Variants in TRPM3 observed in about 807,000 individuals in gnomAD.
The protein encoded by TRPM3 is transient receptor potential cation channel subfamily M member 3.
A neutral mutation model predicts 181.2 loss-of-function variants in TRPM3; 77 were observed. The observed-to-expected ratio is 0.42, with a 90% CI of 0.35 to 0.51. TRPM3 has a LOEUF of 0.51. Ranked by LOEUF, TRPM3 falls within the 20% of genes least tolerant of loss-of-function variation. The pLI is 0.01. For missense variants in TRPM3, 1,759 were observed against 2,196.7 expected (o/e 0.80, Z 3.98); for synonymous variants, 745 against 796.4 (o/e 0.94, Z 1.09).
chr9:70,545,950 G>T (rs922511776), intron 25 of TRPM3, among the ~76,000 whole-genome samples: 1 of 152,192 alleles, frequency 6.6e-6, no homozygotes, highest in Non-Finnish European at 1.5e-5. Flanking sequence ...AAGGTTGGGT[G>T]TAACCAGAGA....
At chr9:71,283,098 G>A (rs1436577726) in intron 1 of TRPM3, among the ~76,000 whole-genome samples, 1 of 151,936 alleles carries the variant, frequency 6.6e-6, no homozygotes, top group Admixed American at 6.5e-5. Flanking sequence ...AGTTTAGTCT[G>A]TATTAAACGA....
intron 1 of TRPM3, among the ~76,000 whole-genome samples, chr9:70,929,435 C>T (rs2096753302): frequency 6.6e-6 from 1 of 152,132 alleles, no homozygotes; most frequent in African/African-American, 2.4e-5. Flanking sequence ...CTCCTGACCT[C>T]AAGTGATCTG....
rs2094143562 is a variant in TRPM3 at position 71,442,088 on chromosome 9, A to G, written c.183+4565T>C. Among the ~76,000 whole-genome samples the G allele has an allele frequency of 3.3e-5, 5 of 152,340 alleles. 1 individual carries two copies. The South Asian group carries it at 1.0e-3, about 32-fold the overall frequency. ...CACAGCATCTCAAACAGCTGTGAGA[A>G]GAGTAGCTTTGGTAACCAGCTGAAA... On this transcript the variant is annotated intron_variant, in intron 1 of 24. Coordinates refer to the TRPM3 transcript ENST00000357533.
intron 1 of TRPM3, among the ~76,000 whole-genome samples, chr9:71,288,120 A>G (rs1454684711): frequency 1.3e-5 from 2 of 151,878 alleles, no homozygotes; most frequent in African/African-American, 4.8e-5. Flanking sequence ...TTGCTTTCTT[A>G]AAGTCAAGGT....
At chr9:71,034,639 T>C (rs1037393976) in intron 1 of TRPM3, among the ~76,000 whole-genome samples, 3 of 152,044 alleles carry the variant, frequency 2.0e-5, no homozygotes, top group African/African-American at 7.2e-5. Context: ...GCTGACTCTG[T>C]GCATTTCTTC....
At chr9:71,369,671 C>T (rs762616888) in intron 1 of TRPM3, among the ~76,000 whole-genome samples, 3 of 152,130 alleles carry the variant, frequency 2.0e-5, no homozygotes, top group Non-Finnish European at 4.4e-5. Flanking sequence ...CGTGAGACAC[C>T]GCGCCCGGCC....
chr9:71,016,542 TTAACA>T (rs1433122705), intron 1 of TRPM3, among the ~76,000 whole-genome samples: 3 of 152,212 alleles, frequency 2.0e-5, no homozygotes, highest in Admixed American at 1.3e-4. Flanking sequence ...CTTAATTTAC[TTAACA>T]TAACATCTTC....
intron 8 of TRPM3, among the ~76,000 whole-genome samples, chr9:70,684,168 A>G (rs1161341868): frequency 6.6e-6 from 1 of 152,252 alleles, no homozygotes; most frequent in East Asian, 1.9e-4. Context: ...ACCCTGAAAT[A>G]CAAGATTATC....
intron 8 of TRPM3, among the ~76,000 whole-genome samples, chr9:70,760,245 A>C (rs1312430318): frequency 6.6e-6 from 1 of 151,680 alleles, no homozygotes; most frequent in African/African-American, 2.4e-5. Flanking sequence ...GGACTGCTGA[A>C]ATGTATAGTC....
At chr9:71,356,806 G>A (rs145663452) in intron 1 of TRPM3, among the ~76,000 whole-genome samples, 103 of 152,064 alleles carry the variant, frequency 6.8e-4, no homozygotes, top group African/African-American at 2.4e-3. Context: ...TTCCAGCCCC[G>A]AGCCCCAGAG....
At chr9:70,976,986 G>A (rs1021908841) in intron 1 of TRPM3, among the ~76,000 whole-genome samples, 3 of 152,110 alleles carry the variant, frequency 2.0e-5, no homozygotes, top group Non-Finnish European at 4.4e-5. Flanking sequence ...CTCTCATTCT[G>A]GGGATTTTAT....
At chr9:70,561,998 G>C (rs1400695411) in intron 22 of TRPM3, among the ~76,000 whole-genome samples, 1 of 152,170 alleles carries the variant, frequency 6.6e-6, no homozygotes, top group Non-Finnish European at 1.5e-5. Flanking sequence ...TCAAGCATCT[G>C]GTAGAATTTC....
intron 1 of TRPM3, among the ~76,000 whole-genome samples, chr9:71,071,686 A>T (rs2062784924): frequency 6.6e-6 from 1 of 152,178 alleles, no homozygotes. Flanking sequence ...TATGGAACAG[A>T]AAGAGAATTG....
At chr9:70,610,810 T>C in intron 18 of TRPM3, 61 bp from the exon 19 acceptor site, 1 of 1,588,310 alleles carries the variant, frequency 6.3e-7, no homozygotes, top group Non-Finnish European at 8.6e-7. Context: ...TTGTTCAATG[T>C]GCTTACTTTA....
intron 7 of TRPM3, among the ~76,000 whole-genome samples, chr9:70,772,582 C>A (rs1005254422): frequency 6.6e-6 from 1 of 152,132 alleles, no homozygotes; most frequent in South Asian, 2.1e-4. Flanking sequence ...CTCGGCATCC[C>A]GATGTGCTAG....
intron 1 of TRPM3, among the ~76,000 whole-genome samples, chr9:71,176,717 C>A (rs1326774331): frequency 6.6e-6 from 1 of 152,154 alleles, no homozygotes; most frequent in East Asian, 1.9e-4. Flanking sequence ...CTGCGAGCTC[C>A]ATTCATGGTG....
At chr9:70,837,614 A>G (rs890132616) in intron 5 of TRPM3, among the ~76,000 whole-genome samples, 1 of 152,234 alleles carries the variant, frequency 6.6e-6, no homozygotes, top group Non-Finnish European at 1.5e-5. Flanking sequence ...TACCTGACAC[A>G]AATCTGGTCA....
chr9:71,299,059 C>T (rs1258078217), intron 1 of TRPM3, among the ~76,000 whole-genome samples: 1 of 152,012 alleles, frequency 6.6e-6, no homozygotes, highest in Non-Finnish European at 1.5e-5. Flanking sequence ...AACATTTTTT[C>T]TACTCAAGAT....
rs147371279 is a variant in TRPM3 at position 70,616,043 on chromosome 9, A to G, written c.2391T>C (p.Ile797=). 1.1e-4 allele frequency: 172 copies of G among 1,608,632 alleles called. No homozygotes were observed. The African/African-American group carries it at 2.2e-3, about 21-fold the overall frequency. The change falls in exon 18 of 26, where the codon ATT becomes ATC. Residue 797 remains isoleucine (I), a synonymous_variant. Coordinates refer to ENST00000677713, the MANE Select transcript of TRPM3 (RefSeq NM_001366145.2). ...CTTTGTTCTTGAACTCCAAGCTGAG[A>G]ATTGAAGGAGGAAGTAGAATTCCCA... ...VILGILLPPS[I]LSLEFKNKDD... is the part of the protein sequence containing the mutation.
Sources: allele counts gnomAD v4.1 joint callset (sites outside exome capture counted in the v4.1 genomes callset), GRCh38; gene constraint gnomAD v4.1.1; transcripts MANE v1.5; gene names NCBI Gene and HGNC (gene_info 2026-07-23, HGNC 2026-07-21).